The following ELF2 variants were observed in gnomAD, a reference collection of about 807,000 sequenced individuals.
ELF2 encodes E74 like ETS transcription factor 2.
ELF2 carries 11 observed loss-of-function variants against 54.8 expected under a neutral mutation model. That is an observed-to-expected ratio of 0.20 (90% confidence interval 0.13 to 0.33). The LOEUF (loss-of-function observed/expected upper bound fraction) is 0.33. Among genes scored for constraint, ELF2 ranks in the 10% least tolerant of loss-of-function variants. The probability of loss-of-function intolerance (pLI) is 1.00; values close to 1 mark genes in which losing one functional copy is unlikely to be tolerated. For missense variants in ELF2, 513 were observed against 703.0 expected, an observed-to-expected ratio of 0.73 and a Z score of 3.06; for synonymous variants, 203 against 245.1, an observed-to-expected ratio of 0.83 and a Z score of 1.61.
intron 4 of ELF2, among the ~76,000 whole-genome samples, chr4:139,123,236 G>T (rs1181307677): frequency 6.6e-6 from 1 of 150,758 alleles, no homozygotes; most frequent in Non-Finnish European, 1.5e-5. Context: ...ATGAATTTTT[G>T]AGGTGCTTTT....
chr4:139,134,361 C>CT (rs1737876253), intron 3 of ELF2, among the ~76,000 whole-genome samples: 1 of 151,218 alleles, frequency 6.6e-6, no homozygotes. Flanking sequence ...TTTGGTTTTG[C>CT]TTTTTTGTGT....
intron 1 of ELF2, among the ~76,000 whole-genome samples, chr4:139,176,357 C>T (rs1377924523): frequency 1.3e-5 from 2 of 151,962 alleles, no homozygotes; most frequent in African/African-American, 4.8e-5. Context: ...AGGTAAGCGG[C>T]GGCGATAAGG....
At chr4:139,174,276 T>C (rs889981346) in intron 1 of ELF2, among the ~76,000 whole-genome samples, 18 of 150,936 alleles carry the variant, frequency 1.2e-4, no homozygotes, top group South Asian at 2.1e-4. Context: ...TGACACATAT[T>C]ACAACATGGA....
intron 1 of ELF2, among the ~76,000 whole-genome samples, chr4:139,156,454 C>A (rs1005743929): frequency 6.6e-6 from 1 of 152,194 alleles, no homozygotes; most frequent in East Asian, 1.9e-4. Context: ...GCTGGGATTA[C>A]AGGCGTTAGC....
intron 1 of ELF2, among the ~76,000 whole-genome samples, chr4:139,164,451 C>G (rs1741525182): frequency 6.6e-6 from 1 of 152,106 alleles, no homozygotes; most frequent in South Asian, 2.1e-4. Context: ...GCCTGGACAA[C>G]ATGGAGAAAC....
chr4:139,097,859 A>C (rs1733451034), intron 4 of ELF2, among the ~76,000 whole-genome samples: 1 of 152,120 alleles, frequency 6.6e-6, no homozygotes. Flanking sequence ...TGTGGCCTAT[A>C]GGTGAGTGCC....
At chr4:139,157,320 A>G (rs1740645550) in intron 1 of ELF2, among the ~76,000 whole-genome samples, 1 of 152,214 alleles carries the variant, frequency 6.6e-6, no homozygotes. Flanking sequence ...ACTGACTAAA[A>G]TATCATTAAT....
chr4:139,109,129 AT>A (rs529344569), intron 4 of ELF2, among the ~76,000 whole-genome samples: 14 of 150,000 alleles, frequency 9.3e-5, no homozygotes, highest in Non-Finnish European at 1.5e-4. Flanking sequence ...ATCTAACTTT[AT>A]TTTTTTTTTC....
chr4:139,132,841 C>CATATATATATATAT (rs58765596), intron 3 of ELF2, among the ~76,000 whole-genome samples: 152 of 114,982 alleles, frequency 1.3e-3, no homozygotes, highest in African/African-American at 4.2e-3. Flanking sequence ...TATTACTTTA[C>CATATATATATATAT]ATATATATAT....
intron 1 of ELF2, among the ~76,000 whole-genome samples, chr4:139,145,665 A>T (rs1199136060): frequency 1.3e-5 from 2 of 152,238 alleles, no homozygotes; most frequent in Non-Finnish European, 2.9e-5. Context: ...AACCAAATCA[A>T]ATGGCACATC....
At chr4:139,176,688 C>CCGCGCCCCG (rs1310255391) in intron 1 of ELF2, among the ~76,000 whole-genome samples, 1 of 152,130 alleles carries the variant, frequency 6.6e-6, no homozygotes, top group Admixed American at 6.5e-5. Flanking sequence ...CAGCCCTGCC[C>CCGCGCCCCG]CGCGCCCCGC....
At chr4:139,148,090 C>A (rs568259326) in intron 1 of ELF2, among the ~76,000 whole-genome samples, 2 of 115,970 alleles carry the variant, frequency 1.7e-5, no homozygotes, top group East Asian at 4.2e-4. Flanking sequence ...CCAGCCAAGA[C>A]CCTGTACCTT....
At chr4:139,176,405 C>T (rs926788325) in intron 1 of ELF2, among the ~76,000 whole-genome samples, 4 of 152,050 alleles carry the variant, frequency 2.6e-5, no homozygotes, top group East Asian at 1.9e-4. Flanking sequence ...GCGCCCCCCC[C>T]CGCCTGCCCG....
At chr4:139,115,074 G>A (rs528934807) in intron 4 of ELF2, 13 of 1,613,894 alleles carry the variant, frequency 8.1e-6, no homozygotes, top group Non-Finnish European at 1.0e-5. Flanking sequence ...CCATGTCCAG[G>A]AGCTCATCCA....
intron 1 of ELF2, among the ~76,000 whole-genome samples, chr4:139,151,080 G>GAAAGAAAGAAAA (rs1739927646): frequency 7.9e-6 from 1 of 126,500 alleles, no homozygotes; most frequent in Non-Finnish European, 1.7e-5. Context: ...AAGAAAGAAA[G>GAAAGAAAGAAAA]AAAGAAAGAA....
At chr4:139,106,796 T>C (rs911335823) in intron 4 of ELF2, among the ~76,000 whole-genome samples, 3 of 146,270 alleles carry the variant, frequency 2.1e-5, no homozygotes, top group Non-Finnish European at 4.5e-5. Flanking sequence ...CAGGCTGGAG[T>C]GCAATGGCTT....
chr4:139,131,405 A>G (rs1309026886), intron 3 of ELF2, among the ~76,000 whole-genome samples: 4 of 152,362 alleles, frequency 2.6e-5, no homozygotes, highest in Admixed American at 2.6e-4. Flanking sequence ...TTACCTAGAA[A>G]GTGCTTTTAT....
chr4:139,172,996 A>G (rs1211136331), intron 1 of ELF2, among the ~76,000 whole-genome samples: 1 of 151,414 alleles, frequency 6.6e-6, no homozygotes, highest in Non-Finnish European at 1.5e-5. Context: ...TCCCAAAAAC[A>G]TTATGCTAAG....
intron 4 of ELF2, among the ~76,000 whole-genome samples, chr4:139,112,702 A>T (rs917203969): frequency 3.3e-5 from 5 of 151,844 alleles, no homozygotes; most frequent in South Asian, 2.1e-4. Flanking sequence ...TATAGCAAAA[A>T]TTTTTTTTTA....
Sources: gnomAD v4.1 joint callset for allele counts (sites outside exome capture counted in the v4.1 genomes callset) on GRCh38, gnomAD v4.1.1 for gene constraint, MANE v1.5 for transcripts, NCBI Gene and HGNC (gene_info 2026-07-23, HGNC 2026-07-21) for gene names.